WNK2: variants seen among roughly 807,000 people sequenced by gnomAD.
The protein encoded by WNK2 is WNK lysine deficient protein kinase 2, also known as serine/threonine-protein kinase WNK2.
Under a neutral mutation model 192.1 loss-of-function variants are expected in WNK2, and 67 were observed. The observed-to-expected ratio is 0.35, with a 90% CI of 0.29 to 0.43. WNK2 has a LOEUF of 0.43. Among genes scored for constraint, WNK2 ranks in the 20% least tolerant of loss-of-function variants. WNK2 has a pLI of 1.00. For synonymous variants in WNK2, 1,439 were observed against 1,393.9 expected, an observed-to-expected ratio of 1.03 and a Z score of -0.72; for missense variants, 2,698 against 3,089.7, an observed-to-expected ratio of 0.87 and a Z score of 3.01.
At chr9:93,254,321 T>C (rs531522075) in intron 9 of WNK2, among the ~76,000 whole-genome samples, 1 of 152,314 alleles carries the variant, frequency 6.6e-6, no homozygotes, top group South Asian at 2.1e-4. Context: ...CCAAGCTCCT[T>C]CTTCCCTCGT....
chr9:93,188,448 C>G (rs1829738480), intron 2 of WNK2, among the ~76,000 whole-genome samples: 1 of 152,220 alleles, frequency 6.6e-6, no homozygotes, highest in African/African-American at 2.4e-5. Flanking sequence ...TGAGGTGTTT[C>G]ACCTTCTGAA....
At position 93,308,524 on chromosome 9, in the gene WNK2, C is replaced by T. The variant is rs1244911202; in HGVS notation, c.6456C>T (p.Thr2152=). 1 of 1,605,802 alleles carries T rather than the reference C, an allele frequency of 6.2e-7. No individual in the cohort carries two copies. Among genetic ancestry groups the T allele is most frequent in the African/African-American group, 1.3e-5 (1 of 74,802 alleles). Residue 2152 remains threonine (T), a synonymous_variant, in exon 28 of 30, where the codon ACC becomes ACT. Transcript: ENST00000427277. ...CCACGCTCAACCAGCTGAAGCAGAC[C>T]CAGAAGCTGCAAGACATGGAGGCCC... ...LKPTLNQLKQ[T]QKLQDMEAQA... is the part of the protein sequence containing the mutation.
At chr9:93,279,759 A>C (rs986005830) in intron 19 of WNK2, among the ~76,000 whole-genome samples, 3 of 152,206 alleles carry the variant, frequency 2.0e-5, no homozygotes, top group African/African-American at 7.2e-5. Context: ...CACACAACCT[A>C]CAGATGTTTG....
intron 19 of WNK2, 145 bp from the exon 20 acceptor site, chr9:93,288,643 C>T: frequency 1.2e-6 from 1 of 850,298 alleles, no homozygotes; most frequent in Non-Finnish European, 1.8e-6. Context: ...TGCAGGCAGG[C>T]AGGAGCCTGG....
chr9:93,280,091 A>G (rs1241828230), intron 19 of WNK2, among the ~76,000 whole-genome samples: 3 of 152,266 alleles, frequency 2.0e-5, no homozygotes, highest in South Asian at 2.1e-4. Flanking sequence ...TCCTTGACAG[A>G]CACAAAATGA....
rs1245746299 is a variant in WNK2, at chr9:93,262,123, C to A, written c.3360+16C>A. The A allele has an allele frequency of 3.2e-6, 5 of 1,561,138 alleles. 1 individual carries two copies. In the East Asian group the frequency reaches 9.1e-5, roughly 28 times the overall value. On this transcript the variant is annotated intron_variant, in intron 13 of 29. Transcript: ENST00000427277. The stretch of plus-strand genomic sequence containing the variant: ...AGTCCAAGAGGTGTGTGCCCCTCCC[C>A]CCAGCCTGTCCCATGACTGGGCAGT...
At chr9:93,284,738 C>G (rs1588432032) in intron 19 of WNK2, among the ~76,000 whole-genome samples, 1 of 152,180 alleles carries the variant, frequency 6.6e-6, no homozygotes, top group Non-Finnish European at 1.5e-5. Flanking sequence ...AGGACCCAAC[C>G]TGCAGCCCAG....
chr9:93,291,905 G>A (rs914546716), intron 21 of WNK2, among the ~76,000 whole-genome samples: 11 of 152,176 alleles, frequency 7.2e-5, no homozygotes, highest in African/African-American at 9.7e-5. Flanking sequence ...TTGAGACACC[G>A]TGGGAGCAGG....
At position 93,254,065 on chromosome 9, in the gene WNK2, C is replaced by T. The variant is rs190328643; in HGVS notation, c.2034+983C>T. Among the ~76,000 whole-genome samples, 43 of 152,286 alleles carry T rather than the reference C, an allele frequency of 2.8e-4. No homozygotes were observed. The South Asian group carries it at 7.3e-3, about 26-fold the overall frequency. ...CTGAGTAGCTGGGATTATAGGCACG[C>T]GCCACCACGCCCAGCTAATTTTTGT... On this transcript the variant is annotated intron_variant, in intron 9 of 29. Transcript: ENST00000427277.
intron 26 of WNK2, among the ~76,000 whole-genome samples, chr9:93,305,297 A>G (rs1852325558): frequency 1.3e-5 from 2 of 152,190 alleles, no homozygotes; most frequent in South Asian, 4.2e-4. Context: ...ATTGGATCCT[A>G]GCCTAGCCTG....
At position 93,259,343 on chromosome 9, in the gene WNK2, T is replaced by C. The variant is rs761795097; in HGVS notation, c.2795T>C (p.Val932Ala). Reference protein sequence around the residue: ...TDVPPSPHHTVQNMRATPPQP... With the variant: ...TDVPPSPHHTAQNMRATPPQP... ...GTCCCTCCTTCCCCCCATCACACGG[T>C]GCAGAATATGAGGGCCACCCCTCCA... The change falls in exon 12 of 30, where the codon GTG becomes GCG. Residue 932 changes from valine to alanine, a missense_variant. Around this residue, in one of 7 missense-constraint regions of WNK2, gnomAD observed 893 missense variants for 909.0 expected, o/e 0.98. Transcript: ENST00000427277. The surrounding 1 kb of genome is among the most constrained non-coding windows in gnomAD (Gnocchi z 4.8). The C allele has an allele frequency of 6.2e-7, 1 of 1,610,428 alleles. No individual in the cohort carries two copies. The highest frequency in any genetic ancestry group is 1.1e-5 in the South Asian group (1 of 90,858).
intron 5 of WNK2, among the ~76,000 whole-genome samples, chr9:93,236,783 C>T (rs1320605382): frequency 1.3e-5 from 2 of 152,234 alleles, no homozygotes; most frequent in Non-Finnish European, 2.9e-5. Context: ...CTCCTGCACC[C>T]TCAAGGAGGA....
chr9:93,295,009 G>A (rs551118834), intron 23 of WNK2, among the ~76,000 whole-genome samples: 11 of 152,284 alleles, frequency 7.2e-5, no homozygotes, highest in South Asian at 4.1e-4. Context: ...TCTGAATACC[G>A]AGGTGCCTGT....
In WNK2 at chr9:93,259,525, C is replaced by T. The variant is rs757872299; in HGVS notation, c.2977C>T (p.Pro993Ser). 6.3e-7 allele frequency: 1 copy of T among 1,586,422 alleles called. No homozygotes were observed. The highest frequency in any genetic ancestry group is 8.5e-7 in the Non-Finnish European group (1 of 1,172,194). The change falls in exon 12 of 30, where the codon CCC becomes TCC. Residue 993 changes from proline (P) to serine (S), a missense_variant. Coordinates refer to ENST00000427277, the MANE Select transcript of WNK2 (RefSeq NM_006648.4). The surrounding 1 kb of genome is among the most constrained non-coding windows in gnomAD (Gnocchi z 4.8). ...CATGCTGCCCCCACAACCTGTGCTG[C>T]CCCCGCAGCCGGCACTGCCTGTGCG... is the stretch of plus-strand genomic sequence containing the variant. ...QPMLPPQPVL[P>S]PQPALPVRPE...
intron 2 of WNK2, among the ~76,000 whole-genome samples, chr9:93,190,602 T>C (rs1323079044): frequency 9.2e-5 from 14 of 152,240 alleles, no homozygotes; most frequent in Admixed American, 9.2e-4. Flanking sequence ...GTCAGCATGT[T>C]AGGAGGTCTG....
intron 24 of WNK2, 41 bp from the exon 25 acceptor site, chr9:93,299,029 G>C (rs568160176): frequency 1.3e-6 from 2 of 1,580,896 alleles, no homozygotes; most frequent in Non-Finnish European, 1.7e-6. Flanking sequence ...CCGACCCGGC[G>C]GCGCCTCATC....
At chr9:93,310,299 C>T (rs1853408281) in intron 28 of WNK2, among the ~76,000 whole-genome samples, 1 of 152,212 alleles carries the variant, frequency 6.6e-6, no homozygotes, top group Non-Finnish European at 1.5e-5. Context: ...TGCGAGGCTG[C>T]ACCCGGAGCC....
intron 2 of WNK2, among the ~76,000 whole-genome samples, chr9:93,213,987 C>G (rs904411454): frequency 2.6e-5 from 4 of 152,148 alleles, no homozygotes; most frequent in African/African-American, 9.7e-5. Context: ...TTTAGCCCTC[C>G]CTGTCTTTTA....
At chr9:93,292,257 C>T (rs1849478351) in intron 21 of WNK2, 51 bp from the exon 22 acceptor site, 6 of 1,601,144 alleles carry the variant, frequency 3.7e-6, no homozygotes, top group Non-Finnish European at 5.1e-6. Flanking sequence ...TGAGCCATCT[C>T]TGCCTCTTCC....
Sources: allele counts gnomAD v4.1 joint callset (sites outside exome capture counted in the v4.1 genomes callset), GRCh38; gene constraint gnomAD v4.1.1; regional missense constraint gnomAD v4.1.1; non-coding constraint Gnocchi (gnomAD v3.1); transcripts MANE v1.5; gene names NCBI Gene and HGNC (gene_info 2026-07-23, HGNC 2026-07-21).